Variants in TRPM8 observed in about 807,000 individuals in gnomAD.
The protein encoded by TRPM8 is transient receptor potential cation channel subfamily M member 8, also known as TRPM8 cationic channel.
Under a neutral mutation model 133.7 loss-of-function variants are expected in TRPM8, and 110 were observed. The ratio of observed to expected loss-of-function variants is 0.82; its 90% CI spans 0.70 to 0.96. The LOEUF is 0.96. Among genes scored for constraint, TRPM8 ranks in the 40% least tolerant of loss-of-function variants. TRPM8 has a pLI of 0.00. For synonymous variants in TRPM8, 535 were observed against 532.3 expected (o/e 1.01, Z -0.07); for missense variants, 1,291 against 1,379.5 (o/e 0.94, Z 1.02).
At chr2:234,017,252 A>C (rs144441381) in intron 25 of TRPM8, 47 bp from the exon 26 acceptor site, 346 of 467,724 alleles carry the variant, frequency 7.4e-4, no homozygotes, top group African/African-American at 6.2e-3. Context: ...TGAGAATGGA[A>C]GTGGGAAATC....
At chr2:233,980,422 A>G in intron 18 of TRPM8, 143 bp downstream of exon 18, 1 of 546,202 alleles carries the variant, frequency 1.8e-6, no homozygotes, top group Non-Finnish European at 3.1e-6. Context: ...CTTTATAGAG[A>G]TACACCTTGG....
intron 18 of TRPM8, among the ~76,000 whole-genome samples, chr2:233,981,200 T>C (rs1691998337): frequency 6.6e-6 from 1 of 152,200 alleles, no homozygotes; most frequent in South Asian, 2.1e-4. Context: ...GGTAAAAACA[T>C]CAATTTCCTC....
intron 11 of TRPM8, among the ~76,000 whole-genome samples, chr2:233,960,259 T>C (rs888420931): frequency 6.6e-6 from 1 of 152,206 alleles, no homozygotes; most frequent in African/African-American, 2.4e-5. Flanking sequence ...TATTTGAGAA[T>C]GCAGTCACCA....
intron 21 of TRPM8, among the ~76,000 whole-genome samples, chr2:233,993,383 A>G (rs1692329588): frequency 6.6e-6 from 1 of 152,228 alleles, no homozygotes; most frequent in African/African-American, 2.4e-5. Flanking sequence ...GGAATGATAC[A>G]AACACAAAGC....
intron 17 of TRPM8, among the ~76,000 whole-genome samples, chr2:233,977,595 C>A (rs760496321): frequency 3.9e-5 from 6 of 152,108 alleles, no homozygotes; most frequent in Non-Finnish European, 5.9e-5. Flanking sequence ...ACCAGAAGAG[C>A]AAATGGTTGT....
intron 15 of TRPM8, among the ~76,000 whole-genome samples, chr2:233,968,949 CT>C (rs1039762530): frequency 6.6e-6 from 1 of 152,022 alleles, no homozygotes; most frequent in Admixed American, 6.6e-5. Context: ...TTTTAGTTTC[CT>C]GACAAAAGCA....
At chr2:233,982,713 A>G (rs908307162) in intron 19 of TRPM8, among the ~76,000 whole-genome samples, 1 of 152,256 alleles carries the variant, frequency 6.6e-6, no homozygotes, top group Admixed American at 6.5e-5. Flanking sequence ...AAGTGTATCA[A>G]AATCATGAGG....
At chr2:234,003,584 T>C (rs549886672) in intron 22 of TRPM8, among the ~76,000 whole-genome samples, 41 of 152,354 alleles carry the variant, frequency 2.7e-4, no homozygotes, top group African/African-American at 9.9e-4. Context: ...CTGGTGGCTA[T>C]AGGACCTGGG....
chr2:233,975,233 T>G (rs1691838823), intron 17 of TRPM8, among the ~76,000 whole-genome samples: 1 of 152,182 alleles, frequency 6.6e-6, no homozygotes, highest in Admixed American at 6.5e-5. Context: ...CTGACAAGCA[T>G]GTGTGTTTTT....
At chr2:233,951,829 G>T (rs2125134726) in intron 9 of TRPM8, among the ~76,000 whole-genome samples, 1 of 152,282 alleles carries the variant, frequency 6.6e-6, no homozygotes, top group East Asian at 1.9e-4. Flanking sequence ...AAGCTCAAGA[G>T]TGGGATTATT....
chr2:233,935,272 C>T (rs28901620), intron 3 of TRPM8, among the ~76,000 whole-genome samples: 4,463 of 152,290 alleles, frequency 0.029, 271 homozygotes, highest in East Asian at 0.23. Flanking sequence ...TTATTTGGTT[C>T]AGCCTGTGCA....
intron 20 of TRPM8, among the ~76,000 whole-genome samples, chr2:233,985,031 C>G (rs1427683588): frequency 6.6e-6 from 1 of 151,458 alleles, no homozygotes; most frequent in Non-Finnish European, 1.5e-5. Context: ...TTGCAGTGAG[C>G]CGAGATAGTG....
chr2:233,992,073 T>A (rs1267423135), intron 21 of TRPM8, among the ~76,000 whole-genome samples: 1 of 152,202 alleles, frequency 6.6e-6, no homozygotes, highest in Admixed American at 6.5e-5. Flanking sequence ...GTTAATTTGT[T>A]TCCAGCCACT....
rs756275779 is a variant in TRPM8 at position 233,950,545 on chromosome 2, G to A, written c.1140+399G>A. ...GGTGGCTTGAGGTGCAGAACATTGC[G>A]ACTGCATATGCTAAGTCTCAGAATA... is the stretch of plus-strand genomic sequence containing the variant. On this transcript the variant is annotated intron_variant, in intron 9 of 25. Transcript: ENST00000324695. Among the ~76,000 whole-genome samples the A allele has an allele frequency of 5.9e-5, 9 of 152,196 alleles. 1 individual carries two copies. Among genetic ancestry groups the A allele is most frequent in the African/African-American group, 2.2e-4 (9 of 41,426 alleles).
intron 11 of TRPM8, among the ~76,000 whole-genome samples, chr2:233,956,545 G>A (rs530563022): frequency 3.3e-5 from 5 of 152,220 alleles, no homozygotes; most frequent in Admixed American, 2.0e-4. Context: ...TTAGGGGGCC[G>A]TGATAATATA....
intron 17 of TRPM8, 92 bp downstream of exon 17, chr2:233,970,518 C>A (rs1691688112): frequency 1.6e-6 from 2 of 1,230,618 alleles, no homozygotes; most frequent in South Asian, 1.2e-5. Context: ...TTCTGAAGTT[C>A]AAAAGTCACT....
intron 3 of TRPM8, among the ~76,000 whole-genome samples, chr2:233,936,204 C>T (rs1396915677): frequency 6.6e-6 from 1 of 152,194 alleles, no homozygotes; most frequent in Non-Finnish European, 1.5e-5. Context: ...AAGAGACCAA[C>T]TTAAAGGCAG....
rs1381908834 is a variant in TRPM8, at chr2:233,924,872, T to A, written c.-5-1661T>A. On this transcript the variant is annotated intron_variant, in intron 1 of 25. Coordinates refer to ENST00000324695, the MANE Select transcript of TRPM8 (RefSeq NM_024080.5). ...GGATTGATCTGTGGTTTTGCAATGA[T>A]GTATGTAAAGTGCCAATTAATACTC... is the stretch of plus-strand genomic sequence containing the variant. Among the ~76,000 whole-genome samples the A allele has an allele frequency of 2.0e-5, 3 of 152,250 alleles. No homozygotes were observed. The East Asian group carries it at 5.8e-4, about 29-fold the overall frequency.
At chr2:234,004,148 G>A (rs1034301494) in intron 22 of TRPM8, among the ~76,000 whole-genome samples, 15 of 152,200 alleles carry the variant, frequency 9.9e-5, no homozygotes, top group African/African-American at 3.6e-4. Context: ...GCCCCTGGGA[G>A]AGTGGCGATC....
Sources: allele counts gnomAD v4.1 joint callset (sites outside exome capture counted in the v4.1 genomes callset), GRCh38; gene constraint gnomAD v4.1.1; transcripts MANE v1.5; gene names NCBI Gene and HGNC (gene_info 2026-07-23, HGNC 2026-07-21).